EFL1: variants seen among roughly 807,000 people sequenced by gnomAD.
The protein encoded by EFL1 is elongation factor like GTPase 1.
In EFL1, 76 loss-of-function variants were observed where a neutral mutation model predicts 126.7. That is an observed-to-expected ratio of 0.60 (90% CI 0.50 to 0.73). EFL1 has a LOEUF of 0.73. EFL1 is among the 30% of genes least tolerant of loss of function. The probability of loss-of-function intolerance (pLI) is 0.00; values close to 1 mark genes in which losing one functional copy is unlikely to be tolerated. For missense variants in EFL1, 1,128 were observed against 1,343.2 expected, an observed-to-expected ratio of 0.84 and a Z score of 2.50; for synonymous variants, 410 against 448.4, an observed-to-expected ratio of 0.91 and a Z score of 1.08.
intron 18 of EFL1, among the ~76,000 whole-genome samples, chr15:82,141,520 T>G (rs939726025): frequency 6.6e-6 from 1 of 151,552 alleles, no homozygotes; most frequent in Non-Finnish European, 1.5e-5. Context: ...CTACAAAAAT[T>G]AGTTGGGCAT....
At chr15:82,212,116 T>C (rs72630435) in intron 15 of EFL1, among the ~76,000 whole-genome samples, 16,137 of 152,130 alleles carry the variant, frequency 0.11, 1,218 homozygotes, top group African/African-American at 0.21. Context: ...TAATGACAAT[T>C]TGAAACTTCA....
chr15:82,171,078 T>C (rs1029574995), intron 15 of EFL1, among the ~76,000 whole-genome samples: 6 of 152,180 alleles, frequency 3.9e-5, no homozygotes, highest in African/African-American at 1.4e-4. Context: ...ACCCTAAATA[T>C]TTCCAATTAA....
At chr15:82,257,579 A>G (rs1296841591) in intron 3 of EFL1, among the ~76,000 whole-genome samples, 1 of 152,228 alleles carries the variant, frequency 6.6e-6, no homozygotes, top group Non-Finnish European at 1.5e-5. Context: ...GTTTAAATTA[A>G]TAACTTTATA....
At chr15:82,252,174 A>G (rs1322479734) in intron 4 of EFL1, among the ~76,000 whole-genome samples, 1 of 152,156 alleles carries the variant, frequency 6.6e-6, no homozygotes, top group Non-Finnish European at 1.5e-5. Context: ...ATTGACATTC[A>G]GGTTGTTGTT....
chr15:82,159,172 A>T (rs1476063982), intron 16 of EFL1, among the ~76,000 whole-genome samples: 2 of 152,160 alleles, frequency 1.3e-5, no homozygotes, highest in Non-Finnish European at 2.9e-5. Flanking sequence ...TGTCTAATTA[A>T]GTGGATTTTC....
chr15:82,142,966 T>C (rs969740584), intron 18 of EFL1, among the ~76,000 whole-genome samples: 1 of 152,254 alleles, frequency 6.6e-6, no homozygotes. Flanking sequence ...TTATCTGTTC[T>C]TTTATGGCCC....
intron 14 of EFL1, among the ~76,000 whole-genome samples, chr15:82,215,153 C>A (rs372113871): frequency 6.6e-6 from 1 of 152,202 alleles, no homozygotes; most frequent in South Asian, 2.1e-4. Flanking sequence ...CTGATCCTCA[C>A]AGTCCCTTGT....
rs2073954248 is a variant in EFL1 at position 82,155,144 on chromosome 15, T to C, written c.2030+2569A>G. On this transcript the variant is annotated intron_variant, in intron 17 of 19. Coordinates refer to ENST00000268206, the MANE Select transcript of EFL1 (RefSeq NM_024580.6). ...GAATTCCATTGTATGAATACGCCAT[T>C]ATTTATTTATTTATTTATCCATTTA... Among the ~76,000 whole-genome samples, 7 of 152,108 alleles carry C rather than the reference T, an allele frequency of 4.6e-5. 1 individual carries two copies. In the South Asian group the frequency reaches 1.5e-3, roughly 32 times the overall value.
chr15:82,219,324 A>C (rs2074683519), intron 14 of EFL1, among the ~76,000 whole-genome samples: 1 of 152,144 alleles, frequency 6.6e-6, no homozygotes, highest in African/African-American at 2.4e-5. Context: ...TTTCTCAAAG[A>C]CCGGCCATTG....
At position 82,130,391 on chromosome 15, in the gene EFL1, T is replaced by C. The variant is rs1163231931; in HGVS notation, c.3345A>G (p.Thr1115=). 8.7e-6 allele frequency: 14 copies of C among 1,613,938 alleles called. No individual in the cohort carries two copies. The highest frequency in any genetic ancestry group is 2.7e-5 in the African/African-American group (2 of 74,938). Residue 1115 remains threonine (T), a synonymous_variant, in exon 20 of 20, where the codon ACA becomes ACG. Transcript: ENST00000268206. ...TAGGTAGCTACTTATTTTTGCTGAGTGTCCTCTGCTTTTCTGCATGCTCCA... is the reference window on the plus strand; with the variant it reads ...TAGGTAGCTACTTATTTTTGCTGAGCGTCCTCTGCTTTTCTGCATGCTCCA... ...KIVEHAEKQR[T]LSKNK
At chr15:82,139,540 A>T (rs1320315972) in intron 18 of EFL1, among the ~76,000 whole-genome samples, 2 of 152,162 alleles carry the variant, frequency 1.3e-5, no homozygotes, top group Non-Finnish European at 2.9e-5. Context: ...GGAGGGAAAC[A>T]TCTTCCCCTC....
chr15:82,175,906 A>G (rs1248822474), intron 15 of EFL1, among the ~76,000 whole-genome samples: 1 of 152,212 alleles, frequency 6.6e-6, no homozygotes, highest in Non-Finnish European at 1.5e-5. Context: ...AATAATAATA[A>G]CTAAAATACA....
chr15:82,173,512 T>A (rs1010744698), intron 15 of EFL1, among the ~76,000 whole-genome samples: 2 of 152,182 alleles, frequency 1.3e-5, no homozygotes, highest in African/African-American at 4.8e-5. Context: ...TACATGAACG[T>A]TCATTATATT....
In EFL1 at chr15:82,181,644, G is replaced by GTA. The variant is rs1555427118; in HGVS notation, c.1751-17662_1751-17661dup. On this transcript the variant is annotated intron_variant, in intron 15 of 19. Coordinates refer to ENST00000268206, the MANE Select transcript of EFL1 (RefSeq NM_024580.6). ...TGCATGTGTGTGTGTGTGTGTGTGT[G>GTA]TATATATATATATGAATTCACTTAT... Among the ~76,000 whole-genome samples the GTA allele has an allele frequency of 6.0e-3, 905 of 151,208 alleles. 5 individuals are homozygous for GTA. Among genetic ancestry groups the GTA allele is most frequent in the South Asian group, 0.017 (82 of 4,786 alleles).
intron 7 of EFL1, among the ~76,000 whole-genome samples, chr15:82,235,878 A>G (rs1219727227): frequency 1.3e-5 from 2 of 152,180 alleles, no homozygotes; most frequent in East Asian, 3.8e-4. Flanking sequence ...CAGCATGCAG[A>G]TAGAAAAGGA....
At chr15:82,152,463 CAA>C (rs1206485935) in intron 17 of EFL1, 40 bp from the exon 18 acceptor site, 1 of 1,515,376 alleles carries the variant, frequency 6.6e-7, no homozygotes, top group South Asian at 1.3e-5. Context: ...AGGTTAAAAT[CAA>C]AATAGCATCA....
chr15:82,191,569 T>C (rs1400585858), intron 15 of EFL1, among the ~76,000 whole-genome samples: 1 of 150,652 alleles, frequency 6.6e-6, no homozygotes, highest in Admixed American at 6.6e-5. Flanking sequence ...CAGTGATTCC[T>C]TAGTGCTTGG....
chr15:82,137,818 T>C (rs1436327257), intron 19 of EFL1, among the ~76,000 whole-genome samples: 1 of 152,248 alleles, frequency 6.6e-6, no homozygotes, highest in Non-Finnish European at 1.5e-5. Flanking sequence ...TTTTTGCACA[T>C]GCCCTGCAGT....
intron 6 of EFL1, among the ~76,000 whole-genome samples, chr15:82,239,012 A>G (rs1198827927): frequency 1.3e-5 from 2 of 152,170 alleles, no homozygotes; most frequent in African/African-American, 4.8e-5. Flanking sequence ...CAGAGAGAAA[A>G]TGGAACCTAT....
Sources: allele counts gnomAD v4.1 joint callset (sites outside exome capture counted in the v4.1 genomes callset), GRCh38; gene constraint gnomAD v4.1.1; transcripts MANE v1.5; gene names NCBI Gene and HGNC (gene_info 2026-07-23, HGNC 2026-07-21).